Variants in NR6A1 observed in about 807,000 individuals in gnomAD.
NR6A1 encodes retinoic acid receptor-related testis-associated receptor.
In NR6A1, 7 loss-of-function variants were observed where a neutral mutation model predicts 59.1. The observed-to-expected ratio is 0.12, with a 90% CI of 0.07 to 0.22. NR6A1 has a LOEUF of 0.22. Ranked by LOEUF, NR6A1 falls within the 10% of genes least tolerant of loss-of-function variation. The probability of loss-of-function intolerance (pLI) is 1.00; values close to 1 mark genes in which losing one functional copy is unlikely to be tolerated. For missense variants in NR6A1, 468 were observed against 611.6 expected, an observed-to-expected ratio of 0.77 and a Z score of 2.48; for synonymous variants, 243 against 236.1, an observed-to-expected ratio of 1.03 and a Z score of -0.27.
At chr9:124,764,609 T>A (rs1405793571) in intron 1 of NR6A1, among the ~76,000 whole-genome samples, 3 of 152,260 alleles carry the variant, frequency 2.0e-5, no homozygotes, top group Non-Finnish European at 4.4e-5. Context: ...ATCTTGAGTA[T>A]ATTTTTAATG....
chr9:124,529,543 A>G (rs1004981418), intron 7 of NR6A1, among the ~76,000 whole-genome samples: 26 of 152,216 alleles, frequency 1.7e-4, no homozygotes, highest in Admixed American at 1.6e-3. Context: ...TGGTGAGGCC[A>G]ATGTTCAAAC....
chr9:124,695,848 T>C (rs141211972), intron 2 of NR6A1, among the ~76,000 whole-genome samples: 1 of 152,316 alleles, frequency 6.6e-6, no homozygotes, highest in African/African-American at 2.4e-5. Flanking sequence ...AAATGTACAC[T>C]TGAACAAGCA....
intron 3 of NR6A1, among the ~76,000 whole-genome samples, chr9:124,552,727 G>A (rs143995236): frequency 1.2e-4 from 18 of 152,032 alleles, no homozygotes; most frequent in Non-Finnish European, 1.2e-4. Context: ...TTAATAACAG[G>A]GTTGTTGTAT....
intron 2 of NR6A1, among the ~76,000 whole-genome samples, chr9:124,728,132 T>C (rs982433049): frequency 2.0e-5 from 3 of 151,906 alleles, no homozygotes; most frequent in African/African-American, 7.2e-5. Context: ...GTTCACACCA[T>C]TCTCCTGCCT....
chr9:124,599,967 G>GT lies in NR6A1; in HGVS notation c.143-45398_143-45397insA, dbSNP rs533856933. 6.0e-4 allele frequency among the ~76,000 whole-genome samples: 91 copies of GT among 152,302 alleles called. 1 individual carries two copies. The South Asian group carries it at 0.018, about 31-fold the overall frequency. On this transcript the variant is annotated intron_variant, in intron 2 of 9. Transcript: ENST00000487099. ...GATGACTGCAGATTTTGAGGCTGAAGGGGTAAGTTTAGTTCTTCAGTGTAA... is the reference window on the plus strand; with the variant it reads ...GATGACTGCAGATTTTGAGGCTGAAGTGGGTAAGTTTAGTTCTTCAGTGTAA...
chr9:124,633,602 C>A (rs1457752337), intron 2 of NR6A1, among the ~76,000 whole-genome samples: 1 of 152,092 alleles, frequency 6.6e-6, no homozygotes, highest in African/African-American at 2.4e-5. Context: ...GGTACTGTCA[C>A]CAGCCACAGT....
At chr9:124,736,609 C>T (rs1223311754) in intron 1 of NR6A1, among the ~76,000 whole-genome samples, 1 of 151,952 alleles carries the variant, frequency 6.6e-6, no homozygotes, top group Non-Finnish European at 1.5e-5. Context: ...TTTGGGAAGC[C>T]GAAGCAGGAG....
At position 124,663,876 on chromosome 9, in the gene NR6A1, A is replaced by G. The variant is rs543212310; in HGVS notation, c.142+69432T>C. The stretch of plus-strand genomic sequence containing the variant: ...ATGTCAGACTTCAATAATGTAAGGT[A>G]TAATTTAATGCTGATACAAAGTTAG... On this transcript the variant is annotated intron_variant, in intron 2 of 9. Coordinates refer to ENST00000487099, the MANE Select transcript of NR6A1 (RefSeq NM_033334.4). Among the ~76,000 whole-genome samples, 14 of 152,332 alleles carry G rather than the reference A, an allele frequency of 9.2e-5. No individual in the cohort carries two copies. The East Asian group carries it at 2.5e-3, about 27-fold the overall frequency.
rs560159450 is a variant in NR6A1 at position 124,744,595 on chromosome 9, A to G, written c.101-11246T>C. On this transcript the variant is annotated intron_variant, in intron 1 of 9. Transcript: ENST00000487099. Reference sequence around the variant, plus strand: ...CTCAAAGAGCAACCCTGATGCTCCCATAACAGCAGGACCTCAACGTCCAAG... The same window carrying G: ...CTCAAAGAGCAACCCTGATGCTCCCGTAACAGCAGGACCTCAACGTCCAAG... 5.5e-4 allele frequency among the ~76,000 whole-genome samples: 84 copies of G among 152,374 alleles called. 2 individuals carry two copies. The highest frequency in any genetic ancestry group is 2.8e-3 in the Admixed American group (43 of 15,308).
chr9:124,619,696 C>T (rs1360389104), intron 2 of NR6A1, among the ~76,000 whole-genome samples: 2 of 152,190 alleles, frequency 1.3e-5, no homozygotes. Context: ...CCTCAAACTT[C>T]AGTTTCCTTA....
At chr9:124,678,807 G>C (rs1208974963) in intron 2 of NR6A1, among the ~76,000 whole-genome samples, 1 of 152,134 alleles carries the variant, frequency 6.6e-6, no homozygotes, top group Non-Finnish European at 1.5e-5. Context: ...ATATAGCCTA[G>C]TTAAGACCTC....
At chr9:124,715,742 A>G (rs1388338763) in intron 2 of NR6A1, among the ~76,000 whole-genome samples, 1 of 152,184 alleles carries the variant, frequency 6.6e-6, no homozygotes, top group Non-Finnish European at 1.5e-5. Flanking sequence ...CAAATAATCA[A>G]AACAACTTTG....
At chr9:124,553,069 G>A (rs1406078462) in intron 3 of NR6A1, among the ~76,000 whole-genome samples, 1 of 152,168 alleles carries the variant, frequency 6.6e-6, no homozygotes, top group South Asian at 2.1e-4. Context: ...TAATCCCGTA[G>A]AGAACTCTGA....
intron 1 of NR6A1, among the ~76,000 whole-genome samples, chr9:124,750,487 G>A (rs1226416276): frequency 8.5e-5 from 13 of 152,192 alleles, no homozygotes; most frequent in African/African-American, 2.4e-4. Context: ...TAGGCCAGGC[G>A]CGGTGGCTCA....
At chr9:124,688,671 G>A (rs1838420838) in intron 2 of NR6A1, among the ~76,000 whole-genome samples, 1 of 152,148 alleles carries the variant, frequency 6.6e-6, no homozygotes, top group African/African-American at 2.4e-5. Flanking sequence ...AAGCAACATC[G>A]TATCAGTGAC....
chr9:124,540,001 G>C (rs769468367), intron 5 of NR6A1, 32 bp downstream of exon 5: 12 of 1,560,730 alleles, frequency 7.7e-6, no homozygotes, highest in Non-Finnish European at 1.0e-5. Context: ...GGGATCCCTA[G>C]ATGATGACCA....
At chr9:124,753,120 T>C (rs953183019) in intron 1 of NR6A1, among the ~76,000 whole-genome samples, 2 of 152,210 alleles carry the variant, frequency 1.3e-5, no homozygotes, top group African/African-American at 4.8e-5. Context: ...TTTTAAATGG[T>C]ACAAAGAGAA....
At chr9:124,661,618 C>T (rs1055024415) in intron 2 of NR6A1, among the ~76,000 whole-genome samples, 1 of 152,192 alleles carries the variant, frequency 6.6e-6, no homozygotes, top group Non-Finnish European at 1.5e-5. Context: ...AAGCTGAACA[C>T]GTGCCAGATT....
At chr9:124,654,590 T>C (rs908937838) in intron 2 of NR6A1, among the ~76,000 whole-genome samples, 4 of 152,104 alleles carry the variant, frequency 2.6e-5, no homozygotes, top group Non-Finnish European at 5.9e-5. Context: ...AGGTTCTTCA[T>C]GTCATGACTT....
Sources: gnomAD v4.1 joint callset for allele counts (sites outside exome capture counted in the v4.1 genomes callset) on GRCh38, gnomAD v4.1.1 for gene constraint, MANE v1.5 for transcripts, NCBI Gene and HGNC (gene_info 2026-07-23, HGNC 2026-07-21) for gene names.